ZNF644: variants seen among roughly 807,000 people sequenced by gnomAD.
ZNF644 encodes zinc finger motif enhancer binding protein 2.
Under a neutral mutation model 108.0 loss-of-function variants are expected in ZNF644, and 20 were observed. The observed-to-expected ratio is 0.19, with a 90% CI of 0.13 to 0.27. ZNF644 has a LOEUF of 0.27. Ranked by LOEUF, ZNF644 falls within the 10% of genes least tolerant of loss-of-function variation. The pLI, the probability that ZNF644 is intolerant of heterozygous loss-of-function variation, is 1.00. For synonymous variants in ZNF644, 542 were observed against 539.1 expected, an observed-to-expected ratio of 1.01 and a Z score of -0.08; for missense variants, 1,338 against 1,548.9, an observed-to-expected ratio of 0.86 and a Z score of 2.29.
chr1:90,979,196 G>A (rs1656298205), intron 2 of ZNF644, among the ~76,000 whole-genome samples: 1 of 152,174 alleles, frequency 6.6e-6, no homozygotes, highest in African/African-American at 2.4e-5. Flanking sequence ...TTTAGGCCAG[G>A]TGCAGTGGCT....
intron 1 of ZNF644, among the ~76,000 whole-genome samples, chr1:90,984,187 C>G (rs1404645049): frequency 2.6e-5 from 4 of 152,092 alleles, no homozygotes; most frequent in African/African-American, 9.7e-5. Flanking sequence ...TTACACCAAC[C>G]AGTTTGTGGT....
rs963452817 is a variant in ZNF644, at chr1:91,020,737, A to G, written c.-18+1253T>C. 5.9e-5 allele frequency: 9 copies of G among 152,222 alleles called. No individual in the cohort carries two copies. The East Asian group carries it at 1.7e-3, about 29-fold the overall frequency. The allele number at this position is 152,222 out of a possible 1,614,324, so 9.4% of individuals were successfully genotyped here. A position where few individuals can be genotyped will look rare whatever the true frequency, so the allele number is the denominator to read the frequency against. On this transcript the variant is annotated intron_variant, in intron 1 of 5. Coordinates refer to ENST00000337393, the MANE Select transcript of ZNF644 (RefSeq NM_201269.3). ...CTTCTCATGGGACCAAAAAATGTTT[A>G]CAACTAAAGCAAACTACTGCAGGGA...
chr1:90,949,877 C>G (rs763408466), intron 2 of ZNF644, among the ~76,000 whole-genome samples: 1 of 152,060 alleles, frequency 6.6e-6, no homozygotes, highest in African/African-American at 2.4e-5. Flanking sequence ...GCTAAATTTG[C>G]GTGTTTTTAG....
At chr1:90,964,324 T>C (rs1156878759) in intron 2 of ZNF644, among the ~76,000 whole-genome samples, 3 of 152,106 alleles carry the variant, frequency 2.0e-5, no homozygotes, top group African/African-American at 7.2e-5. Context: ...GTTTCTAATA[T>C]TAAAAATCTA....
chr1:90,922,313 GTATC>G (rs528326925), intron 4 of ZNF644, among the ~76,000 whole-genome samples: 114 of 152,222 alleles, frequency 7.5e-4, no homozygotes, highest in African/African-American at 2.7e-3. Context: ...AACAACTGGG[GTATC>G]TATACCCAAA....
rs1052818685 is a variant in ZNF644, at chr1:90,937,520, T to C, written c.3653A>G (p.Tyr1218Cys). Residue 1218 changes from tyrosine (Y) to cysteine (C), a missense_variant, in exon 4 of 6, where the codon TAT (tyrosine) becomes TGT (cysteine). By Grantham distance (194) the Tyr-to-Cys change is radical. Coordinates refer to ENST00000337393, the MANE Select transcript of ZNF644 (RefSeq NM_201269.3). ...LPLNEDSPLM[Y>C]QPQKMDLTMH... ...AGTCAAGTCCATTTTTTGTGGCTGA[T>C]ACATCAACGGACTATCCTCATTTAA... 3 of 1,613,762 alleles carry C rather than the reference T, an allele frequency of 1.9e-6. No individual in the cohort carries two copies. The highest frequency in any genetic ancestry group is 2.5e-6 in the Non-Finnish European group (3 of 1,179,778).
intron 4 of ZNF644, among the ~76,000 whole-genome samples, chr1:90,928,387 G>C (rs370393354): frequency 4.8e-5 from 7 of 145,654 alleles, no homozygotes; most frequent in African/African-American, 1.8e-4. Flanking sequence ...GCACAATCTC[G>C]GCTCACTGCA....
intron 4 of ZNF644, among the ~76,000 whole-genome samples, chr1:90,932,954 A>G (rs538619146): frequency 1.3e-5 from 2 of 152,268 alleles, no homozygotes; most frequent in African/African-American, 4.8e-5. Context: ...AGTACTTCTA[A>G]TATTTTGGTA....
intron 1 of ZNF644, among the ~76,000 whole-genome samples, chr1:90,992,397 C>CA (rs77298407): frequency 0.046 from 6,300 of 137,116 alleles, 155 homozygotes; most frequent in African/African-American, 0.08. Flanking sequence ...CATTTATAAC[C>CA]AAAAAAAAAA....
chr1:91,006,589 C>G (rs1371143331), intron 1 of ZNF644, among the ~76,000 whole-genome samples: 1 of 152,178 alleles, frequency 6.6e-6, no homozygotes, highest in Non-Finnish European at 1.5e-5. Flanking sequence ...CCCAAGAAAA[C>G]TACCAACAAA....
chr1:90,947,531 A>G (rs1048253523), intron 2 of ZNF644, among the ~76,000 whole-genome samples: 3 of 152,204 alleles, frequency 2.0e-5, no homozygotes, highest in Non-Finnish European at 2.9e-5. Flanking sequence ...CCCTCCACAG[A>G]AAGTATTATG....
At chr1:90,987,071 A>C (rs1441350127) in intron 1 of ZNF644, among the ~76,000 whole-genome samples, 1 of 150,856 alleles carries the variant, frequency 6.6e-6, no homozygotes, top group African/African-American at 2.4e-5. Context: ...TTTAAAAAAA[A>C]AAAAAACCCA....
At chr1:90,986,961 A>C (rs1197784792) in intron 1 of ZNF644, among the ~76,000 whole-genome samples, 1 of 151,710 alleles carries the variant, frequency 6.6e-6, no homozygotes, top group Non-Finnish European at 1.5e-5. Context: ...AATTTTTTAA[A>C]TATCCGGAGA....
chr1:91,014,830 A>G (rs947303241), intron 1 of ZNF644, among the ~76,000 whole-genome samples: 1 of 152,192 alleles, frequency 6.6e-6, no homozygotes, highest in African/African-American at 2.4e-5. Flanking sequence ...AACTAGGTAA[A>G]AGGATATATA....
chr1:90,961,074 G>A (rs1654289862), intron 2 of ZNF644, among the ~76,000 whole-genome samples: 1 of 151,984 alleles, frequency 6.6e-6, no homozygotes, highest in Admixed American at 6.6e-5. Context: ...TGAAGATGGA[G>A]GAAAGAATAA....
chr1:90,999,458 G>A (rs1658528327), intron 1 of ZNF644, among the ~76,000 whole-genome samples: 1 of 152,128 alleles, frequency 6.6e-6, no homozygotes, highest in Admixed American at 6.5e-5. Context: ...CATAAGTGAA[G>A]GAGAAATAAA....
At chr1:90,919,897 T>C (rs559653699) in intron 4 of ZNF644, among the ~76,000 whole-genome samples, 1 of 152,196 alleles carries the variant, frequency 6.6e-6, no homozygotes, top group Admixed American at 6.5e-5. Flanking sequence ...TTTGTTTAAA[T>C]ATGTTGCTGC....
rs367549126 is a variant in ZNF644, at chr1:90,940,058, A to G, written c.1296T>C (p.His432=). ...KKHLHRHMMY[H]LDGNSHFRHL... Reference sequence around the variant, plus strand: ...GGCGAAAGTGACTATTCCCATCTAAATGATACATCATATGCCTGTGGAGGT... The same window carrying G: ...GGCGAAAGTGACTATTCCCATCTAAGTGATACATCATATGCCTGTGGAGGT... The change falls in exon 3 of 6, where the codon CAT becomes CAC. Residue 432 remains histidine (H), a synonymous_variant. Coordinates refer to ENST00000337393, the MANE Select transcript of ZNF644 (RefSeq NM_201269.3). 4.3e-6 allele frequency: 7 copies of G among 1,613,976 alleles called. No individual in the cohort carries two copies. The highest frequency in any genetic ancestry group is 4.0e-5 in the African/African-American group (3 of 74,924).
At chr1:91,016,617 CAT>C (rs1271999221) in intron 1 of ZNF644, among the ~76,000 whole-genome samples, 3 of 152,138 alleles carry the variant, frequency 2.0e-5, no homozygotes, top group Admixed American at 6.5e-5. Flanking sequence ...TTATGCTGCA[CAT>C]GACTGTATTT....
Sources: allele counts gnomAD v4.1 joint callset (sites outside exome capture counted in the v4.1 genomes callset), GRCh38; gene constraint gnomAD v4.1.1; transcripts MANE v1.5; gene names NCBI Gene and HGNC (gene_info 2026-07-23, HGNC 2026-07-21).